The following KAT6A variants were observed in gnomAD, a reference collection of about 807,000 sequenced individuals.
KAT6A encodes histone acetyltransferase KAT6A.
Under a neutral mutation model 198.4 loss-of-function variants are expected in KAT6A, and 9 were observed. The ratio of observed to expected loss-of-function variants is 0.05; its 90% CI spans 0.03 to 0.08. KAT6A has a LOEUF of 0.08. KAT6A is among the 10% of genes least tolerant of loss of function. The pLI is 1.00. For synonymous variants in KAT6A, 890 were observed against 883.0 expected (o/e 1.01, Z -0.14); for missense variants, 2,077 against 2,509.9 (o/e 0.83, Z 3.69).
chr8:41,957,020 T>C lies in KAT6A; in HGVS notation c.1483-1609A>G, dbSNP rs947845921. ...CTAACTTCCTGAGGCAAGGATCAGATAGAAAGCCCAAAAGCTGAAGTCATG... is the reference window on the plus strand; with the variant it reads ...CTAACTTCCTGAGGCAAGGATCAGACAGAAAGCCCAAAAGCTGAAGTCATG... On this transcript the variant is annotated intron_variant, in intron 8 of 16. Transcript: ENST00000265713. 14 of 554,160 alleles carry C rather than the reference T, an allele frequency of 2.5e-5. 1 individual carries two copies. Among genetic ancestry groups the C allele is most frequent in the African/African-American group, 7.5e-5 (4 of 53,362 alleles). 34.3% of individuals were successfully genotyped at this position (554,160 alleles called of 1,614,324 possible).
In KAT6A at chr8:41,937,323, C is replaced by G; in HGVS notation, c.3285G>C (p.Arg1095Ser). Residue 1095 changes from arginine to serine, a missense_variant, in exon 16 of 17, where the codon AGG becomes AGC. This residue lies in a region of KAT6A where 375 missense variants were observed against 383.0 expected (regional missense o/e 0.98). Transcript: ENST00000265713. Reference protein sequence around the residue: ...FRRLSSQDVLRCQSSSKRKSK... With the variant: ...FRRLSSQDVLSCQSSSKRKSK... ...ACTTCCTCTTAGAAGAGGACTGACA[C>G]CTGAGTACATCCTGCGAAGACAAAC... The G allele has an allele frequency of 2.5e-6, 4 of 1,614,120 alleles. No homozygotes were observed. Among genetic ancestry groups the G allele is most frequent in the Non-Finnish European group, 3.4e-6 (4 of 1,179,960 alleles).
At chr8:42,038,151 G>A (rs1827469232) in intron 2 of KAT6A, among the ~76,000 whole-genome samples, 1 of 152,148 alleles carries the variant, frequency 6.6e-6, no homozygotes, top group African/African-American at 2.4e-5. Context: ...GTCACTCAGA[G>A]GTCATTTGTG....
intron 8 of KAT6A, among the ~76,000 whole-genome samples, chr8:41,969,000 T>C (rs1023244608): frequency 6.6e-6 from 1 of 152,200 alleles, no homozygotes. Context: ...TAATGTTCCA[T>C]GCAAAGTTTG....
Position 41,934,267 on chromosome 8 carries a change from T to A in KAT6A, c.3953A>T (p.Asp1318Val). 6.2e-7 allele frequency: 1 copy of A among 1,614,160 alleles called. No individual in the cohort carries two copies. Among genetic ancestry groups the A allele is most frequent in the Non-Finnish European group, 8.5e-7 (1 of 1,180,036 alleles). Residue 1318 changes from aspartate (D) to valine (V), a missense_variant, in exon 17 of 17, where the codon GAT becomes GTT. Around this residue, in one of 13 missense-constraint regions of KAT6A, gnomAD observed 375 missense variants for 383.0 expected, o/e 0.98. Coordinates refer to ENST00000265713, the MANE Select transcript of KAT6A (RefSeq NM_006766.5). The part of the protein sequence containing the change: ...TAQNDDHDAD[D>V]EDDGHLESTK... ...GGACTCCAGGTGGCCATCATCCTCA[T>A]CATCAGCGTCGTGGTCGTCATTCTG...
rs772236649 is a variant in KAT6A, at chr8:41,932,520, C to T, written c.5700G>A (p.Gly1900=). 3 of 1,614,116 alleles carry T rather than the reference C, an allele frequency of 1.9e-6. No homozygotes were observed. The highest frequency in any genetic ancestry group is 4.5e-5 in the East Asian group (2 of 44,898). ...AGGCGGGAGTAGGCATCAGATTAACCCCCATGTTCATGCCACGCTGAACAG... is the reference window on the plus strand; with the variant it reads ...AGGCGGGAGTAGGCATCAGATTAACTCCCATGTTCATGCCACGCTGAACAG... ...ALAVQRGMNM[G]VNLMPTPAYN... Residue 1900 remains glycine, a synonymous_variant, in exon 17 of 17, where the codon GGG becomes GGA. Transcript: ENST00000265713.
rs908134695 is a variant in KAT6A, at chr8:41,956,984, A to G, written c.1483-1573T>C. 13 of 505,572 alleles carry G rather than the reference A, an allele frequency of 2.6e-5. No individual in the cohort carries two copies. In the East Asian group the frequency reaches 5.1e-4, roughly 20 times the overall value. The allele number at this position is 505,572 out of a possible 1,614,324, so 31.3% of individuals were successfully genotyped here. A position where few individuals can be genotyped will look rare whatever the true frequency, so the allele number is the denominator to read the frequency against. ...GAAACTTTCAAAATAACTAAATACC[A>G]GAAACCAGATCTAACTTCCTGAGGC... On this transcript the variant is annotated intron_variant, in intron 8 of 16. Coordinates refer to ENST00000265713, the MANE Select transcript of KAT6A (RefSeq NM_006766.5).
At chr8:41,987,028 ACT>A (rs1824647101) in intron 3 of KAT6A, among the ~76,000 whole-genome samples, 1 of 152,072 alleles carries the variant, frequency 6.6e-6, no homozygotes, top group Non-Finnish European at 1.5e-5. Context: ...ACAGAGGAAG[ACT>A]CTGTCTCAAA....
rs138752654 is a variant in KAT6A at position 41,986,855 on chromosome 8, T to C, written c.709+600A>G. Among the ~76,000 whole-genome samples the C allele has an allele frequency of 5.4e-3, 815 of 152,186 alleles. 8 individuals carry two copies. Among genetic ancestry groups the C allele is most frequent in the African/African-American group, 0.019 (786 of 41,510 alleles). On this transcript the variant is annotated intron_variant, in intron 3 of 16. Transcript: ENST00000265713. ...GAGTTTGAGACCAGCCTGGCCAATA[T>C]GGTGAAACCTTGTCTCTACTAAAAA... is the stretch of plus-strand genomic sequence containing the variant.
chr8:42,019,715 A>G (rs563479342), intron 2 of KAT6A, among the ~76,000 whole-genome samples: 13 of 152,298 alleles, frequency 8.5e-5, no homozygotes, highest in Admixed American at 2.6e-4. Flanking sequence ...TGGGGATTAC[A>G]CAGTTTTCAA....
At position 41,943,736 on chromosome 8, in the gene KAT6A, T is replaced by C. The variant is rs530101769; in HGVS notation, c.2228+12A>G. Reference sequence around the variant, plus strand: ...TATCTTTCAAAGGTATACAAAAAGATGTGATACTCACTGGTCACTACGGAA... The same window carrying C: ...TATCTTTCAAAGGTATACAAAAAGACGTGATACTCACTGGTCACTACGGAA... On this transcript the variant is annotated intron_variant, in intron 13 of 16. Transcript: ENST00000265713. 1 of 1,589,124 alleles carries C rather than the reference T, an allele frequency of 6.3e-7. No individual in the cohort carries two copies. The highest frequency in any genetic ancestry group is 2.2e-5 in the East Asian group (1 of 44,696).
chr8:42,022,654 T>C (rs1826606305), intron 2 of KAT6A, among the ~76,000 whole-genome samples: 1 of 152,038 alleles, frequency 6.6e-6, no homozygotes, highest in Non-Finnish European at 1.5e-5. Context: ...TGGAGAAAAA[T>C]ACAGGAATAT....
chr8:41,990,033 C>T (rs1346625635), intron 2 of KAT6A, among the ~76,000 whole-genome samples: 3 of 151,484 alleles, frequency 2.0e-5, no homozygotes, highest in African/African-American at 7.3e-5. Context: ...AGACTTTATC[C>T]AGCAGTAAAA....
At chr8:41,948,901 ACATCAT>A (rs34721456) in intron 10 of KAT6A, among the ~76,000 whole-genome samples, 14 of 151,068 alleles carry the variant, frequency 9.3e-5, no homozygotes, top group Admixed American at 2.6e-4. Flanking sequence ...CAGAGGTCAC[ACATCAT>A]CATCATCATC....
intron 8 of KAT6A, among the ~76,000 whole-genome samples, chr8:41,958,632 T>C (rs1400698330): frequency 6.6e-6 from 1 of 152,194 alleles, no homozygotes; most frequent in African/African-American, 2.4e-5. Context: ...AATTCTGAAT[T>C]TTTCTGATTT....
Position 41,941,124 on chromosome 8 carries a change from C to A in KAT6A, c.2757G>T (p.Gln919His), listed in dbSNP as rs1212627260. 6.2e-7 allele frequency: 1 copy of A among 1,614,070 alleles called. No homozygotes were observed. The highest frequency in any genetic ancestry group is 2.2e-5 in the East Asian group (1 of 44,900). Residue 919 changes from glutamine to histidine, a missense_variant, in exon 15 of 17, where the codon CAG (glutamine) becomes CAT (histidine). By Grantham distance (24) the Gln-to-His change is conservative (BLOSUM62 0). Around this residue, in one of 13 missense-constraint regions of KAT6A, gnomAD observed 301 missense variants for 272.2 expected, o/e 1.11. Transcript: ENST00000265713. ...TQEQYTESEE[Q>H]LVASEEQPSQ... ...TTGGCTGCTCCTCAGAAGCCACCAGCTGTTCTTCACTTTCAGTGTATTGTT... is the reference window on the plus strand; with the variant it reads ...TTGGCTGCTCCTCAGAAGCCACCAGATGTTCTTCACTTTCAGTGTATTGTT...
At chr8:42,027,209 T>C (rs1018745225) in intron 2 of KAT6A, among the ~76,000 whole-genome samples, 7 of 152,238 alleles carry the variant, frequency 4.6e-5, no homozygotes, top group Non-Finnish European at 1.0e-4. Context: ...TTTGCATGTA[T>C]GTTCATCAGG....
In KAT6A at chr8:41,942,816, G is replaced by C. The variant is rs768245482; in HGVS notation, c.2413C>G (p.Gln805Glu). The C allele has an allele frequency of 5.6e-6, 9 of 1,613,996 alleles. No individual in the cohort carries two copies. The South Asian group carries it at 8.8e-5, about 16-fold the overall frequency. The change falls in exon 14 of 17, where the codon CAG becomes GAG. Residue 805 changes from glutamine (Q) to glutamate (E), a missense_variant. Gln to Glu is a conservative substitution (Grantham distance 29). This residue lies in a region of KAT6A where 301 missense variants were observed against 272.2 expected (regional missense o/e 1.11). Transcript: ENST00000265713. ...EEGENEEPQCQERELEISVGK... is the reference protein window; with the variant it reads ...EEGENEEPQCEERELEISVGK... ...ACACTGATCTCTAATTCTCTTTCCTGGCACTGTGGCTCTTCGTTTTCTCCT... is the reference window on the plus strand; with the variant it reads ...ACACTGATCTCTAATTCTCTTTCCTCGCACTGTGGCTCTTCGTTTTCTCCT...
intron 3 of KAT6A, among the ~76,000 whole-genome samples, chr8:41,984,841 G>T (rs1164696253): frequency 2.0e-5 from 3 of 151,950 alleles, no homozygotes; most frequent in Admixed American, 6.5e-5. Flanking sequence ...AAATTAGCCG[G>T]GCGTGGTGGC....
chr8:41,964,095 A>G (rs1031581524), intron 8 of KAT6A, among the ~76,000 whole-genome samples: 8 of 152,226 alleles, frequency 5.3e-5, no homozygotes, highest in African/African-American at 1.4e-4. Flanking sequence ...CAATTTATGC[A>G]TATCTCCACA....
Sources: allele counts gnomAD v4.1 joint callset (sites outside exome capture counted in the v4.1 genomes callset), GRCh38; gene constraint gnomAD v4.1.1; regional missense constraint gnomAD v4.1.1; transcripts MANE v1.5; gene names NCBI Gene and HGNC (gene_info 2026-07-23, HGNC 2026-07-21).